Variants in ACAN observed in about 807,000 individuals in gnomAD.
The protein encoded by ACAN is aggrecan core protein.
A neutral mutation model predicts 169.1 loss-of-function variants in ACAN; 47 were observed. That is an observed-to-expected ratio of 0.28 (90% CI 0.22 to 0.35). The LOEUF is 0.35. Among genes scored for constraint, ACAN ranks in the 10% least tolerant of loss-of-function variants. ACAN has a pLI of 1.00. For missense variants in ACAN, 2,716 were observed against 2,759.9 expected, an observed-to-expected ratio of 0.98 and a Z score of 0.36; for synonymous variants, 1,115 against 1,112.2, an observed-to-expected ratio of 1.00 and a Z score of -0.05.
In ACAN at chr15:88,849,782, C is replaced by A. The variant is rs748592008; in HGVS notation, c.2026+51C>A. 2.4e-4 allele frequency: 378 copies of A among 1,591,688 alleles called. 1 individual carries two copies. The highest frequency in any genetic ancestry group is 5.0e-4 in the Middle Eastern group (3 of 6,056). On this transcript the variant is annotated intron_variant, in intron 10 of 18. Transcript: ENST00000560601. The surrounding 1 kb of genome is among the most constrained non-coding windows in gnomAD (Gnocchi z 5.1). ...CAGCCCCTTTTGTCTGGAGAGGACC[C>A]CACTGGGTTCACCGGATCCTGCCAC... is the stretch of plus-strand genomic sequence containing the variant.
chr15:88,829,961 C>T (rs942406828), intron 1 of ACAN, among the ~76,000 whole-genome samples: 2 of 151,948 alleles, frequency 1.3e-5, no homozygotes, highest in African/African-American at 4.8e-5. Flanking sequence ...AAATTGGGTG[C>T]TAAACAGTGT....
chr15:88,840,269 C>T (rs1896618485), intron 4 of ACAN, 83 bp downstream of exon 4: 2 of 1,439,838 alleles, frequency 1.4e-6, no homozygotes, highest in African/African-American at 1.4e-5. Flanking sequence ...GAACGTTGGC[C>T]AGCACTGAGC....
chr15:88,817,699 C>T (rs1895974866), intron 1 of ACAN, among the ~76,000 whole-genome samples: 1 of 151,352 alleles, frequency 6.6e-6, no homozygotes, highest in African/African-American at 2.4e-5. Context: ...ACAAAAAATA[C>T]AAAAATTAGC....
In ACAN at chr15:88,874,756, G is replaced by A; in HGVS notation, c.*275G>A. Reference sequence around the variant, plus strand: ...AGACATTTCTTCAATTTCCCATCGTGCCTTTCCAGGGACCAGTGCAGGGAC... The same window carrying A: ...AGACATTTCTTCAATTTCCCATCGTACCTTTCCAGGGACCAGTGCAGGGAC... On this transcript the variant is annotated 3_prime_UTR_variant, in exon 19 of 19. Transcript: ENST00000560601. This position sits in a 1 kb window ranked among gnomAD's most constrained non-coding sequence, Gnocchi z 7.3. The A allele has an allele frequency of 6.0e-6, 3 of 501,590 alleles. No homozygotes were observed. The highest frequency in any genetic ancestry group is 5.5e-5 in the Admixed American group (2 of 36,672). 31.1% of individuals were successfully genotyped at this position (501,590 alleles called of 1,614,324 possible). A position where few individuals can be genotyped will look rare whatever the true frequency, so the allele number is the denominator to read the frequency against.
rs1897348732 is a variant in ACAN at position 88,870,181 on chromosome 15, C to T, written c.7061-1201C>T. ...CTGCTGACCCCCTGTTCTGCTCTCC[C>T]TCCACTGTCCCCAACTGTCTCTCCC... On this transcript the variant is annotated intron_variant, in intron 14 of 18. Transcript: ENST00000560601. This position sits in a 1 kb window ranked among gnomAD's most constrained non-coding sequence, Gnocchi z 6.3. Among the ~76,000 whole-genome samples the T allele has an allele frequency of 1.3e-5, 2 of 152,202 alleles. No individual in the cohort carries two copies. The highest frequency in any genetic ancestry group is 4.8e-5 in the African/African-American group (2 of 41,456).
In ACAN at chr15:88,874,175, C is replaced by A; in HGVS notation, c.7630+151C>A. On this transcript the variant is annotated intron_variant, in intron 18 of 18. Coordinates refer to ENST00000560601, the MANE Select transcript of ACAN (RefSeq NM_001369268.1). The surrounding 1 kb of genome is among the most constrained non-coding windows in gnomAD (Gnocchi z 7.3). ...GGGCTGCTCAGTCACAAATAGCTGA[C>A]CACTGCCCTTAGAAGGGCCACGTAC... 1 of 1,157,928 alleles carries A rather than the reference C, an allele frequency of 8.6e-7. No individual in the cohort carries two copies. The highest frequency in any genetic ancestry group is 1.5e-5 in the African/African-American group (1 of 65,400). The allele number at this position is 1,157,928 out of a possible 1,614,324, so 71.7% of individuals were successfully genotyped here. A position where few individuals can be genotyped will look rare whatever the true frequency, so the allele number is the denominator to read the frequency against.
At chr15:88,840,951 T>C (rs757886120) in intron 4 of ACAN, among the ~76,000 whole-genome samples, 6 of 152,280 alleles carry the variant, frequency 3.9e-5, no homozygotes, top group South Asian at 4.1e-4. Flanking sequence ...GAGACCATCC[T>C]AGCTAACATG....
In ACAN at chr15:88,858,429, T is replaced by A; in HGVS notation, c.5844T>A (p.Ala1948=). The A allele has an allele frequency of 6.2e-7, 1 of 1,613,636 alleles. No individual in the cohort carries two copies. Among genetic ancestry groups the A allele is most frequent in the East Asian group, 2.2e-5 (1 of 44,860 alleles). ...DRTLVESVTQ[A]PTAQEAGEGP... ...CTTTGGTGGAATCTGTAACCCAGGC[T>A]CCAACAGCCCAAGAGGCAGGAGAAG... The change falls in exon 12 of 19, where the codon GCT becomes GCA. Residue 1948 remains alanine, a synonymous_variant. Coordinates refer to ENST00000560601, the MANE Select transcript of ACAN (RefSeq NM_001369268.1). The surrounding 1 kb of genome is among the most constrained non-coding windows in gnomAD (Gnocchi z 4.0).
At chr15:88,862,965 T>C (rs920858830) in intron 13 of ACAN, among the ~76,000 whole-genome samples, 4 of 134,998 alleles carry the variant, frequency 3.0e-5, no homozygotes, top group Admixed American at 8.5e-5. Flanking sequence ...TGCACTGCAC[T>C]CCAGCCTGGG....
chr15:88,839,260 A>G lies in ACAN; in HGVS notation c.454+214A>G, dbSNP rs1255700073. On this transcript the variant is annotated intron_variant, in intron 3 of 18. Coordinates refer to ENST00000560601, the MANE Select transcript of ACAN (RefSeq NM_001369268.1). The surrounding 1 kb of genome is among the most constrained non-coding windows in gnomAD (Gnocchi z 4.5). ...CATTAAATACTTCCTGGCTGTGGTC[A>G]CAGGTAACTGACAGTTTGTGCTTCC... Among the ~76,000 whole-genome samples the G allele has an allele frequency of 6.6e-6, 1 of 152,238 alleles. No homozygotes were observed. The highest frequency in any genetic ancestry group is 1.5e-5 in the Non-Finnish European group (1 of 68,054).
chr15:88,810,786 A>G (rs1895802194), intron 1 of ACAN, among the ~76,000 whole-genome samples: 1 of 152,210 alleles, frequency 6.6e-6, no homozygotes, highest in Non-Finnish European at 1.5e-5. Context: ...ATTCTGCTTC[A>G]GTGAGATGGG....
chr15:88,837,226 A>G (rs971680361), intron 2 of ACAN, among the ~76,000 whole-genome samples: 22 of 152,196 alleles, frequency 1.4e-4, no homozygotes, highest in African/African-American at 5.3e-4. Context: ...TAAGCACAGC[A>G]GCACATGAGA....
At position 88,849,310 on chromosome 15, in the gene ACAN, G is replaced by T. The variant is rs1290775051; in HGVS notation, c.1733-128G>T. 8.8e-6 allele frequency: 8 copies of T among 904,164 alleles called. No individual in the cohort carries two copies. Among genetic ancestry groups the T allele is most frequent in the Non-Finnish European group, 1.3e-5 (8 of 621,106 alleles). 56.0% of individuals were successfully genotyped at this position (904,164 alleles called of 1,614,324 possible). On this transcript the variant is annotated intron_variant, in intron 9 of 18. Coordinates refer to ENST00000560601, the MANE Select transcript of ACAN (RefSeq NM_001369268.1). The surrounding 1 kb of genome is among the most constrained non-coding windows in gnomAD (Gnocchi z 5.1). ...ATCTAAGGGGGAGTGGTCAAAAAAGGGGTGATGGAGCTGGGCTGGGTCTTA... is the reference window on the plus strand; with the variant it reads ...ATCTAAGGGGGAGTGGTCAAAAAAGTGGTGATGGAGCTGGGCTGGGTCTTA...
At chr15:88,846,673 C>T (rs1452208131) in intron 7 of ACAN, among the ~76,000 whole-genome samples, 5 of 152,150 alleles carry the variant, frequency 3.3e-5, no homozygotes. Context: ...TACAATATAA[C>T]CACTACTTAC....
rs16942383 is a variant in ACAN, at chr15:88,861,821, C to T, written c.6946+1382C>T. Among the ~76,000 whole-genome samples, 1 of 152,096 alleles carries T rather than the reference C, an allele frequency of 6.6e-6. No individual in the cohort carries two copies. Among genetic ancestry groups the T allele is most frequent in the Non-Finnish European group, 1.5e-5 (1 of 68,022 alleles). On this transcript the variant is annotated intron_variant, in intron 13 of 18. Transcript: ENST00000560601. The surrounding 1 kb of genome is among the most constrained non-coding windows in gnomAD (Gnocchi z 6.3). ...CAGAAGTCAAAGCAAGGCTCATGTTCTTGGCAGCCCTGAAATTAATAGGAG... is the reference window on the plus strand; with the variant it reads ...CAGAAGTCAAAGCAAGGCTCATGTTTTTGGCAGCCCTGAAATTAATAGGAG...
intron 1 of ACAN, among the ~76,000 whole-genome samples, chr15:88,812,690 C>T (rs985947544): frequency 6.6e-6 from 1 of 152,010 alleles, no homozygotes; most frequent in South Asian, 2.1e-4. Context: ...CTTTTTGTGC[C>T]CATCTGATTT....
At chr15:88,811,510 G>C (rs1309899654) in intron 1 of ACAN, among the ~76,000 whole-genome samples, 2 of 152,178 alleles carry the variant, frequency 1.3e-5, no homozygotes, top group Admixed American at 1.3e-4. Flanking sequence ...CCCTCTAAAG[G>C]CTGGCCATGC....
chr15:88,858,652 G>A lies in ACAN; in HGVS notation c.6067G>A (p.Gly2023Ser), dbSNP rs1897120992. Residue 2023 changes from glycine (G) to serine (S), a missense_variant, in exon 12 of 19, where the codon GGC (glycine) becomes AGC (serine). Gly to Ser is a moderately conservative substitution (Grantham distance 56). Transcript: ENST00000560601. This position sits in a 1 kb window ranked among gnomAD's most constrained non-coding sequence, Gnocchi z 4.0. ...NVSGESSVAM[G>S]TSGEASGLPE... ...AAGTGGAGAATCCTCTGTAGCCATG[G>A]GCACCAGTGGAGAGGCCTCAGGACT... 6.2e-7 allele frequency: 1 copy of A among 1,613,970 alleles called. No homozygotes were observed. The highest frequency in any genetic ancestry group is 8.5e-7 in the Non-Finnish European group (1 of 1,179,904).
At position 88,858,767 on chromosome 15, in the gene ACAN, C is replaced by G. The variant is rs1311425358; in HGVS notation, c.6182C>G (p.Thr2061Arg). 4 of 1,613,780 alleles carry G rather than the reference C, an allele frequency of 2.5e-6. No homozygotes were observed. The African/African-American group carries it at 5.3e-5, about 22-fold the overall frequency. ...SQELGQRPPV[T>R]HTPQLFESSG... is the part of the protein sequence containing the mutation. The stretch of plus-strand genomic sequence containing the variant: ...GAACTAGGCCAAAGGCCCCCTGTGA[C>G]ACACACACCCCAGCTTTTTGAGTCC... Residue 2061 changes from threonine (T) to arginine (R), a missense_variant, in exon 12 of 19, where the codon ACA becomes AGA. Thr to Arg is a moderately conservative substitution (Grantham distance 71, BLOSUM62 -1). This residue lies in a region of ACAN where 1,389 missense variants were observed against 1,363.7 expected (regional missense o/e 1.02). Transcript: ENST00000560601. The surrounding 1 kb of genome is among the most constrained non-coding windows in gnomAD (Gnocchi z 4.0).
Sources: allele counts gnomAD v4.1 joint callset (sites outside exome capture counted in the v4.1 genomes callset), GRCh38; gene constraint gnomAD v4.1.1; regional missense constraint gnomAD v4.1.1; non-coding constraint Gnocchi (gnomAD v3.1); transcripts MANE v1.5; gene names NCBI Gene and HGNC (gene_info 2026-07-23, HGNC 2026-07-21).